The following METTL15 variants were observed in gnomAD, a reference collection of about 807,000 sequenced individuals.
METTL15 encodes the protein methyltransferase 15, mitochondrial 12S rRNA N4-cytidine, also known as 12S rRNA N(4)-cytidine methyltransferase METTL15.
In METTL15, 34 loss-of-function variants were observed where a neutral mutation model predicts 38.3. That is an observed-to-expected ratio of 0.89 (90% CI 0.68 to 1.18). METTL15 has a LOEUF of 1.18. Among genes scored for constraint, METTL15 ranks in the 50% most tolerant of loss-of-function variants. METTL15 has a pLI of 0.00. For synonymous variants in METTL15, 162 were observed against 170.9 expected (o/e 0.95, Z 0.41); for missense variants, 438 against 498.4 (o/e 0.88, Z 1.15).
At chr11:28,235,703 T>G (rs1853925856) in intron 4 of METTL15, among the ~76,000 whole-genome samples, 1 of 151,976 alleles carries the variant, frequency 6.6e-6, no homozygotes, top group Non-Finnish European at 1.5e-5. Flanking sequence ...AAGGAGATTT[T>G]GGGCTGAGAC....
intron 6 of METTL15, among the ~76,000 whole-genome samples, chr11:28,505,372 A>C (rs1440019555): frequency 6.6e-6 from 1 of 152,172 alleles, no homozygotes; most frequent in African/African-American, 2.4e-5. Flanking sequence ...AAGCAGGACG[A>C]TTTACTGACA....
rs566749412 is a variant in METTL15, at chr11:28,120,539, C to CA, written c.270+6944dup. Reference sequence around the variant, plus strand: ...GGGTGGTATGTGAATTAAAAAAAAACAAAAAAAAATCCTGATTTTAGTATT... The same window carrying CA: ...GGGTGGTATGTGAATTAAAAAAAAACAAAAAAAAAATCCTGATTTTAGTATT... On this transcript the variant is annotated intron_variant, in intron 3 of 6. Transcript: ENST00000407364. Among the ~76,000 whole-genome samples, 828 of 150,444 alleles carry CA rather than the reference C, an allele frequency of 5.5e-3. 7 individuals are homozygous for CA. Among genetic ancestry groups the CA allele is most frequent in the African/African-American group, 0.018 (746 of 41,014 alleles).
At chr11:28,456,941 A>G (rs1851174288) in intron 6 of METTL15, among the ~76,000 whole-genome samples, 1 of 152,218 alleles carries the variant, frequency 6.6e-6, no homozygotes, top group South Asian at 2.1e-4. Flanking sequence ...GAAGCCTCAG[A>G]CACTCTGGAA....
intron 3 of METTL15, among the ~76,000 whole-genome samples, chr11:28,342,260 A>ATT (rs1290422280): frequency 6.6e-6 from 1 of 151,390 alleles, no homozygotes; most frequent in Non-Finnish European, 1.5e-5. Flanking sequence ...TTTTATTTTT[A>ATT]TTTTTATTTT....
chr11:28,318,190 A>G (rs7111784), intron 6 of METTL15, among the ~76,000 whole-genome samples: 151,685 of 152,274 alleles, frequency 1, 75,555 homozygotes, highest in Middle Eastern at 1. Flanking sequence ...CTTGATCTTT[A>G]TCTGGGACTG....
At chr11:28,344,961 A>C (rs2133356995) in intron 3 of METTL15, among the ~76,000 whole-genome samples, 1 of 152,332 alleles carries the variant, frequency 6.6e-6, no homozygotes, top group Non-Finnish European at 1.5e-5. Context: ...TAATCAATAT[A>C]AAAATGGAAC....
Position 28,119,393 on chromosome 11 carries a change from G to A in METTL15, c.270+5789G>A, listed in dbSNP as rs577011192. Among the ~76,000 whole-genome samples, 5 of 152,296 alleles carry A rather than the reference G, an allele frequency of 3.3e-5. No homozygotes were observed. The East Asian group carries it at 9.6e-4, about 29-fold the overall frequency. On this transcript the variant is annotated intron_variant, in intron 3 of 6. Transcript: ENST00000407364. ...GAAGACAGATGTGAGGCACCAATAA[G>A]AGGAATGTCCCTTGGGTACTGAGGT...
At chr11:28,123,483 T>C (rs1360756482) in intron 3 of METTL15, among the ~76,000 whole-genome samples, 6 of 152,204 alleles carry the variant, frequency 3.9e-5, no homozygotes, top group Non-Finnish European at 8.8e-5. Context: ...CAAGGCCTTA[T>C]GGTGACTCAT....
chr11:28,374,254 G>T (rs1433281210), intron 5 of METTL15, among the ~76,000 whole-genome samples: 1 of 152,032 alleles, frequency 6.6e-6, no homozygotes, highest in Non-Finnish European at 1.5e-5. Flanking sequence ...ATTACCTTGG[G>T]CAGTATGGCC....
At chr11:28,203,967 T>C (rs1482784583) in intron 3 of METTL15, among the ~76,000 whole-genome samples, 3 of 152,100 alleles carry the variant, frequency 2.0e-5, no homozygotes, top group Non-Finnish European at 4.4e-5. Context: ...TTGGACATCT[T>C]GAGCTGAATT....
intron 3 of METTL15, among the ~76,000 whole-genome samples, chr11:28,204,965 C>T (rs1852262846): frequency 2.0e-5 from 3 of 151,694 alleles, no homozygotes. Flanking sequence ...CTTTGGAGCA[C>T]AAAATATACA....
chr11:28,446,195 C>T (rs190442042), intron 6 of METTL15, among the ~76,000 whole-genome samples: 3 of 152,134 alleles, frequency 2.0e-5, no homozygotes, highest in Admixed American at 6.5e-5. Flanking sequence ...GTACCTGAGC[C>T]GGGGTGTAAG....
At chr11:28,438,646 C>T (rs940593781) in intron 6 of METTL15, among the ~76,000 whole-genome samples, 5 of 150,964 alleles carry the variant, frequency 3.3e-5, no homozygotes, top group Non-Finnish European at 7.4e-5. Flanking sequence ...CTATAGATCA[C>T]GCTTTTTTTT....
intron 4 of METTL15, among the ~76,000 whole-genome samples, chr11:28,217,773 A>G (rs934247083): frequency 3.9e-5 from 6 of 152,218 alleles, no homozygotes; most frequent in Non-Finnish European, 8.8e-5. Flanking sequence ...AGCTTTCTAC[A>G]TATGGCTAGC....
intron 3 of METTL15, among the ~76,000 whole-genome samples, chr11:28,124,514 G>A (rs1852387195): frequency 6.6e-6 from 1 of 152,058 alleles, no homozygotes; most frequent in Admixed American, 6.6e-5. Context: ...AGTATCAGAA[G>A]ATAAATTGCT....
At chr11:28,393,136 A>C (rs1850529074) in intron 5 of METTL15, among the ~76,000 whole-genome samples, 1 of 152,136 alleles carries the variant, frequency 6.6e-6, no homozygotes, top group Non-Finnish European at 1.5e-5. Context: ...AAAATTAAAA[A>C]TAAAATTGCC....
intron 4 of METTL15, among the ~76,000 whole-genome samples, chr11:28,236,626 G>C (rs1853991519): frequency 2.6e-5 from 4 of 152,184 alleles, no homozygotes. Flanking sequence ...TGTTATGTGT[G>C]AATTTGATCC....
At chr11:28,177,652 T>C (rs1192242002) in intron 3 of METTL15, among the ~76,000 whole-genome samples, 1 of 151,956 alleles carries the variant, frequency 6.6e-6, no homozygotes, top group African/African-American at 2.4e-5. Context: ...AGGAAAGTAT[T>C]TGATGTTGAA....
intron 5 of METTL15, among the ~76,000 whole-genome samples, chr11:28,365,242 C>T (rs1850174511): frequency 6.6e-6 from 1 of 152,086 alleles, no homozygotes; most frequent in African/African-American, 2.4e-5. Context: ...GGAATAGTTT[C>T]AGTAGCATTG....
Sources: gnomAD v4.1 joint callset for allele counts (sites outside exome capture counted in the v4.1 genomes callset) on GRCh38, gnomAD v4.1.1 for gene constraint, MANE v1.5 for transcripts, NCBI Gene and HGNC (gene_info 2026-07-23, HGNC 2026-07-21) for gene names.